DNAJC1: variants seen among roughly 807,000 people sequenced by gnomAD.
The protein encoded by DNAJC1 is dnaJ homolog subfamily C member 1.
Under a neutral mutation model 76.6 loss-of-function variants are expected in DNAJC1, and 58 were observed. That is an observed-to-expected ratio of 0.76 (90% CI 0.61 to 0.94). The LOEUF (loss-of-function observed/expected upper bound fraction) is 0.94. Ranked by LOEUF, DNAJC1 falls within the 40% of genes least tolerant of loss-of-function variation. The pLI is 0.00. For synonymous variants in DNAJC1, 258 were observed against 267.9 expected (o/e 0.96, Z 0.36); for missense variants, 689 against 677.3 (o/e 1.02, Z -0.19).
chr10:21,767,383 T>C (rs1049296444), intron 9 of DNAJC1, among the ~76,000 whole-genome samples: 2 of 152,270 alleles, frequency 1.3e-5, no homozygotes. Flanking sequence ...CTTTGAGATC[T>C]ACATACAGAA....
intron 8 of DNAJC1, among the ~76,000 whole-genome samples, chr10:21,813,175 CCTCTCTCTCTCTCT>C (rs532971786): frequency 0.033 from 917 of 28,190 alleles, 29 homozygotes; most frequent in African/African-American, 0.095. Context: ...TCTCTCTCTC[CCTCTCTCTCTCTCT>C]CTCTCTCTCT....
intron 3 of DNAJC1, among the ~76,000 whole-genome samples, chr10:21,925,852 T>C (rs1748798769): frequency 6.6e-6 from 1 of 152,214 alleles, no homozygotes; most frequent in African/African-American, 2.4e-5. Flanking sequence ...AACTGGACTG[T>C]GATGATGGTT....
In DNAJC1 at chr10:21,829,618, C is replaced by G. The variant is rs367748717; in HGVS notation, c.979-23519G>C. The stretch of plus-strand genomic sequence containing the variant: ...CCACCTGCCTCGGCCTCCCCAAGTG[C>G]TGGGATTACAGGCGTGAGCCACTGG... On this transcript the variant is annotated intron_variant, in intron 8 of 11. Coordinates refer to ENST00000376980, the MANE Select transcript of DNAJC1 (RefSeq NM_022365.4). Among the ~76,000 whole-genome samples the G allele has an allele frequency of 3.6e-3, 544 of 152,352 alleles. 3 individuals are homozygous for G. The highest frequency in any genetic ancestry group is 0.013 in the African/African-American group (521 of 41,592).
At chr10:21,823,172 G>C (rs1835188696) in intron 8 of DNAJC1, among the ~76,000 whole-genome samples, 1 of 152,072 alleles carries the variant, frequency 6.6e-6, no homozygotes, top group South Asian at 2.1e-4. Flanking sequence ...AAAATCACAA[G>C]CGAAATCTAT....
intron 8 of DNAJC1, among the ~76,000 whole-genome samples, chr10:21,874,983 C>T (rs1055757219): frequency 7.2e-5 from 11 of 152,132 alleles, no homozygotes; most frequent in South Asian, 2.1e-4. Flanking sequence ...CGGGTTCAAG[C>T]GATTCTTTTG....
intron 9 of DNAJC1, among the ~76,000 whole-genome samples, chr10:21,798,131 A>G (rs1223457614): frequency 1.3e-5 from 2 of 152,250 alleles, no homozygotes; most frequent in Non-Finnish European, 2.9e-5. Context: ...TTACAAGGTT[A>G]CAAGTATACA....
At chr10:21,828,266 G>A (rs535039021) in intron 8 of DNAJC1, among the ~76,000 whole-genome samples, 1 of 152,308 alleles carries the variant, frequency 6.6e-6, no homozygotes, top group Non-Finnish European at 1.5e-5. Flanking sequence ...CATGTGCCCA[G>A]CTAGGCACTA....
Position 22,003,703 on chromosome 10 carries a change from G to T in DNAJC1, c.-269C>A. On this transcript the variant is annotated 5_prime_UTR_variant, in exon 1 of 12. Transcript: ENST00000376980. ...CCCAGGCCTACACACAGCTGTAGAG[G>T]CAGCGCCCGGCGCCTGGGCTGCACA... 1 of 354,466 alleles carries T rather than the reference G, an allele frequency of 2.8e-6. No individual in the cohort carries two copies. 22.0% of individuals were successfully genotyped at this position (354,466 alleles called of 1,614,324 possible). A position where few individuals can be genotyped will look rare whatever the true frequency, so the allele number is the denominator to read the frequency against.
At chr10:21,789,987 G>T (rs1834660891) in intron 9 of DNAJC1, among the ~76,000 whole-genome samples, 1 of 141,250 alleles carries the variant, frequency 7.1e-6, no homozygotes, top group Non-Finnish European at 1.5e-5. Flanking sequence ...TCCAGCCTGG[G>T]CAACACAGCA....
chr10:21,818,686 T>C (rs1024677617), intron 8 of DNAJC1, among the ~76,000 whole-genome samples: 3 of 151,992 alleles, frequency 2.0e-5, no homozygotes, highest in South Asian at 2.1e-4. Flanking sequence ...TTAGGAAAAA[T>C]AGAAAAGAAC....
At chr10:21,940,887 C>A (rs1000162810) in intron 1 of DNAJC1, among the ~76,000 whole-genome samples, 2 of 151,570 alleles carry the variant, frequency 1.3e-5, no homozygotes, top group Admixed American at 6.6e-5. Context: ...AAAGGAGGTC[C>A]CTTTAACAAG....
chr10:21,842,152 A>G (rs1387856323), intron 8 of DNAJC1, among the ~76,000 whole-genome samples: 3 of 151,398 alleles, frequency 2.0e-5, no homozygotes, highest in African/African-American at 7.3e-5. Flanking sequence ...ATGCTAAATG[A>G]TGAGTTAATG....
intron 1 of DNAJC1, among the ~76,000 whole-genome samples, chr10:21,990,975 G>A (rs190627347): frequency 4.0e-4 from 61 of 152,288 alleles, no homozygotes; most frequent in Admixed American, 1.4e-3. Context: ...GTTATGAAAA[G>A]GTAGCAGAGG....
At chr10:21,983,801 G>C (rs189653246) in intron 1 of DNAJC1, among the ~76,000 whole-genome samples, 41 of 152,092 alleles carry the variant, frequency 2.7e-4, no homozygotes, top group African/African-American at 9.9e-4. Flanking sequence ...TTGTTTAATC[G>C]GTGCAGAGTT....
At position 21,950,510 on chromosome 10, in the gene DNAJC1, A is replaced by T. The variant is rs552287686; in HGVS notation, c.223-21369T>A. ...AATATTGAAATTAGGCCAATTAATA[A>T]CCCTACAGTGATCTCTAAGTACTCA... is the stretch of plus-strand genomic sequence containing the variant. On this transcript the variant is annotated intron_variant, in intron 1 of 11. Coordinates refer to ENST00000376980, the MANE Select transcript of DNAJC1 (RefSeq NM_022365.4). 2.6e-5 allele frequency among the ~76,000 whole-genome samples: 4 copies of T among 152,184 alleles called. No homozygotes were observed. In the South Asian group the frequency reaches 8.3e-4, roughly 32 times the overall value.
chr10:21,889,921 C>A (rs1446204749), intron 7 of DNAJC1, among the ~76,000 whole-genome samples: 3 of 152,182 alleles, frequency 2.0e-5, no homozygotes, highest in African/African-American at 4.8e-5. Flanking sequence ...TAATGGGAAA[C>A]CTAGGCTGCT....
intron 1 of DNAJC1, among the ~76,000 whole-genome samples, chr10:21,942,940 A>C (rs1262768514): frequency 6.6e-6 from 1 of 152,150 alleles, no homozygotes; most frequent in African/African-American, 2.4e-5. Flanking sequence ...ACTTAGAGAT[A>C]GTACAGACTA....
At chr10:21,761,460 G>A (rs1263040586) in intron 10 of DNAJC1, among the ~76,000 whole-genome samples, 2 of 150,906 alleles carry the variant, frequency 1.3e-5, no homozygotes, top group Non-Finnish European at 2.9e-5. Context: ...TCAGGAGGCC[G>A]AGGCAGGAGA....
chr10:21,958,397 A>G (rs887026037), intron 1 of DNAJC1, among the ~76,000 whole-genome samples: 10 of 152,202 alleles, frequency 6.6e-5, no homozygotes, highest in South Asian at 2.1e-4. Context: ...CATCAACCCA[A>G]AAAGATTCCT....
Sources: allele counts gnomAD v4.1 joint callset (sites outside exome capture counted in the v4.1 genomes callset), GRCh38; gene constraint gnomAD v4.1.1; transcripts MANE v1.5; gene names NCBI Gene and HGNC (gene_info 2026-07-23, HGNC 2026-07-21).